The following MAGI2 variants were observed in gnomAD, a reference collection of about 807,000 sequenced individuals.
MAGI2 encodes membrane-associated guanylate kinase, WW and PDZ domain-containing protein 2.
MAGI2 carries 35 observed loss-of-function variants against 133.3 expected under a neutral mutation model. The ratio of observed to expected loss-of-function variants is 0.26; its 90% CI spans 0.20 to 0.35. MAGI2 has a LOEUF of 0.35. MAGI2 is among the 10% of genes least tolerant of loss of function. MAGI2 has a pLI of 1.00. For synonymous variants in MAGI2, 729 were observed against 710.6 expected, an observed-to-expected ratio of 1.03 and a Z score of -0.41; for missense variants, 1,636 against 1,863.4, an observed-to-expected ratio of 0.88 and a Z score of 2.25.
At chr7:78,345,800 G>A in intron 8 of MAGI2, 122 bp downstream of exon 8, 1 of 1,349,388 alleles carries the variant, frequency 7.4e-7, no homozygotes, top group East Asian at 2.3e-5. Flanking sequence ...AAGCTAATAG[G>A]AAGGTCTGGA....
intron 2 of MAGI2, among the ~76,000 whole-genome samples, chr7:78,632,446 A>G (rs569717774): frequency 4.2e-4 from 64 of 152,324 alleles, no homozygotes; most frequent in Non-Finnish European, 8.1e-4. Flanking sequence ...TGTAGGCTGT[A>G]CACTACCCAG....
intron 1 of MAGI2, among the ~76,000 whole-genome samples, chr7:79,358,653 G>A (rs1294577686): frequency 6.6e-6 from 1 of 152,164 alleles, no homozygotes; most frequent in Non-Finnish European, 1.5e-5. Flanking sequence ...GTAGTTGAGA[G>A]TTAGGGGGAA....
At chr7:78,797,558 T>A (rs1395829606) in intron 2 of MAGI2, among the ~76,000 whole-genome samples, 1 of 152,184 alleles carries the variant, frequency 6.6e-6, no homozygotes, top group East Asian at 1.9e-4. Flanking sequence ...TGGAACATTA[T>A]GTCAGTAATG....
chr7:78,676,880 G>A (rs1395965928), intron 2 of MAGI2, among the ~76,000 whole-genome samples: 3 of 151,906 alleles, frequency 2.0e-5, no homozygotes, highest in African/African-American at 4.8e-5. Flanking sequence ...ATACATTGAG[G>A]CATTTTCTTA....
At chr7:78,233,334 T>G (rs1232465346) in intron 10 of MAGI2, among the ~76,000 whole-genome samples, 1 of 152,076 alleles carries the variant, frequency 6.6e-6, no homozygotes, top group East Asian at 1.9e-4. Context: ...CTAGAAGATA[T>G]GAGCGTCCCG....
chr7:78,150,293 T>G (rs1823743102), intron 16 of MAGI2, among the ~76,000 whole-genome samples: 1 of 152,176 alleles, frequency 6.6e-6, no homozygotes, highest in Non-Finnish European at 1.5e-5. Context: ...CTGTGTTCAC[T>G]TAACAATTTG....
intron 1 of MAGI2, among the ~76,000 whole-genome samples, chr7:79,425,254 A>G (rs1847259648): frequency 1.2e-5 from 1 of 86,750 alleles, no homozygotes. Context: ...TCCGTCTCAG[A>G]AAAAAAAAAA....
At chr7:79,067,976 G>A (rs547852996) in intron 1 of MAGI2, among the ~76,000 whole-genome samples, 1 of 152,096 alleles carries the variant, frequency 6.6e-6, no homozygotes, top group Non-Finnish European at 1.5e-5. Context: ...TGGTGGATAA[G>A]CTTTTTGATG....
intron 2 of MAGI2, among the ~76,000 whole-genome samples, chr7:78,888,939 G>A (rs968735881): frequency 6.6e-6 from 1 of 152,082 alleles, no homozygotes; most frequent in Admixed American, 6.5e-5. Context: ...CTGAGCTAAA[G>A]GAGGAAGTTC....
At chr7:79,078,205 A>G (rs549218152) in intron 1 of MAGI2, among the ~76,000 whole-genome samples, 1 of 152,336 alleles carries the variant, frequency 6.6e-6, no homozygotes, top group South Asian at 2.1e-4. Flanking sequence ...AAAGGGGAAG[A>G]GTTACAACAG....
At chr7:78,901,326 A>T (rs1034569832) in intron 2 of MAGI2, 14 of 152,208 alleles carry the variant, frequency 9.2e-5, no homozygotes, top group African/African-American at 3.4e-4. Context: ...AGCAGACAAT[A>T]TTACAGAGAG....
At chr7:78,286,787 C>G (rs921543254) in intron 9 of MAGI2, among the ~76,000 whole-genome samples, 2 of 152,056 alleles carry the variant, frequency 1.3e-5, no homozygotes, top group Admixed American at 6.6e-5. Context: ...TTCATGGTCT[C>G]AGAGAGAAAT....
intron 2 of MAGI2, among the ~76,000 whole-genome samples, chr7:78,678,881 T>C (rs1815336785): frequency 6.6e-6 from 1 of 152,084 alleles, no homozygotes; most frequent in Non-Finnish European, 1.5e-5. Flanking sequence ...TAGAGAACAT[T>C]GCAAAAAACA....
At chr7:79,414,916 A>G (rs1380392784) in intron 1 of MAGI2, 1 of 152,128 alleles carries the variant, frequency 6.6e-6, no homozygotes, top group Non-Finnish European at 1.5e-5. Context: ...CTCCTTTAGT[A>G]AACTGCCAGT....
At chr7:78,138,820 C>G (rs1009231160) in intron 16 of MAGI2, among the ~76,000 whole-genome samples, 3 of 152,174 alleles carry the variant, frequency 2.0e-5, no homozygotes, top group African/African-American at 7.2e-5. Context: ...ATTAAGAAAA[C>G]AAGTGTCAAA....
intron 6 of MAGI2, among the ~76,000 whole-genome samples, chr7:78,436,711 C>T (rs868052059): frequency 3.9e-5 from 6 of 152,168 alleles, no homozygotes; most frequent in South Asian, 4.1e-4. Flanking sequence ...TCTCCACTCA[C>T]GGACCCTCTC....
intron 20 of MAGI2, among the ~76,000 whole-genome samples, chr7:78,092,337 TAGAA>T (rs899883823): frequency 1.2e-4 from 18 of 152,328 alleles, no homozygotes; most frequent in African/African-American, 2.6e-4. Flanking sequence ...ACAAAATAAA[TAGAA>T]AGAGTAGCAG....
intron 9 of MAGI2, among the ~76,000 whole-genome samples, chr7:78,275,838 G>A (rs59211489): frequency 0.19 from 29,545 of 151,764 alleles, 3,295 homozygotes; most frequent in South Asian, 0.31. Context: ...AGAGCAGTTA[G>A]CCCTTTAGCT....
chr7:78,114,257 A>C (rs1349759210), intron 20 of MAGI2, among the ~76,000 whole-genome samples: 5 of 152,252 alleles, frequency 3.3e-5, no homozygotes, highest in Non-Finnish European at 5.9e-5. Flanking sequence ...AGAGCTGATC[A>C]GTGAAAGTAT....
Sources: allele counts gnomAD v4.1 joint callset (sites outside exome capture counted in the v4.1 genomes callset), GRCh38; gene constraint gnomAD v4.1.1; transcripts MANE v1.5; gene names NCBI Gene and HGNC (gene_info 2026-07-23, HGNC 2026-07-21).